Variants in LIN7C observed in about 807,000 individuals in gnomAD.
The protein encoded by LIN7C is lin-7 cell polarity scaffold C, also known as protein lin-7 homolog C.
In LIN7C, 17 loss-of-function variants were observed where a neutral mutation model predicts 24.7. The observed-to-expected ratio is 0.69, with a 90% CI of 0.47 to 1.03. LIN7C has a LOEUF of 1.03. LIN7C is among the 50% of genes least tolerant of loss of function. The pLI, the probability that LIN7C is intolerant of heterozygous loss-of-function variation, is 0.00. For synonymous variants in LIN7C, 90 were observed against 83.4 expected (o/e 1.08, Z -0.43); for missense variants, 204 against 239.0 (o/e 0.85, Z 0.97).
At position 27,498,110 on chromosome 11, in the gene LIN7C, G is replaced by A. The variant is rs908853788; in HGVS notation, c.*539C>T. ...ATTTACCACTGGTTATATATATTATGTGTGTGTTCAAAGTACAAAATGCAG... is the reference window on the plus strand; with the variant it reads ...ATTTACCACTGGTTATATATATTATATGTGTGTTCAAAGTACAAAATGCAG... On this transcript the variant is annotated 3_prime_UTR_variant, in exon 5 of 5. Coordinates refer to ENST00000278193, the MANE Select transcript of LIN7C (RefSeq NM_018362.4). 6.6e-6 allele frequency: 1 copy of A among 152,512 alleles called. No individual in the cohort carries two copies. Among genetic ancestry groups the A allele is most frequent in the Non-Finnish European group, 1.5e-5 (1 of 68,368 alleles). The allele number at this position is 152,512 out of a possible 1,614,324, so 9.4% of individuals were successfully genotyped here. A position where few individuals can be genotyped will look rare whatever the true frequency, so the allele number is the denominator to read the frequency against.
intron 3 of LIN7C, among the ~76,000 whole-genome samples, chr11:27,500,680 T>C (rs1375017772): frequency 1.3e-5 from 2 of 152,212 alleles, no homozygotes; most frequent in African/African-American, 4.8e-5. Context: ...CAAGATTTAC[T>C]GAATACCCGT....
chr11:27,502,883 G>A (rs1233841375), intron 1 of LIN7C, among the ~76,000 whole-genome samples: 2 of 151,946 alleles, frequency 1.3e-5, no homozygotes, highest in Admixed American at 1.3e-4. Flanking sequence ...AGGCCGAGGC[G>A]GGTGGATCAC....
rs1454215641 is a variant in LIN7C, at chr11:27,501,482, CA to C, written c.228+12del. The stretch of plus-strand genomic sequence containing the variant: ...ATGAAGAATTCTTACTTTTGGAAAA[CA>C]AAAAAATTTACCTTTGCAGTAGCGT... On this transcript the variant is annotated intron_variant, in intron 3 of 4. Transcript: ENST00000278193. 9.6e-6 allele frequency: 15 copies of C among 1,563,140 alleles called. No homozygotes were observed. Among genetic ancestry groups the C allele is most frequent in the South Asian group, 2.4e-5 (2 of 84,752 alleles).
chr11:27,502,795 T>C (rs1565114238), intron 1 of LIN7C, among the ~76,000 whole-genome samples: 1 of 152,252 alleles, frequency 6.6e-6, no homozygotes, highest in African/African-American at 2.4e-5. Context: ...AAAAGTGTTA[T>C]GTTACATTGG....
chr11:27,504,236 A>G (rs988675476), intron 1 of LIN7C, among the ~76,000 whole-genome samples: 3 of 152,210 alleles, frequency 2.0e-5, no homozygotes, highest in Non-Finnish European at 2.9e-5. Context: ...TGACCGATAC[A>G]TGGGGACTGT....
intron 3 of LIN7C, among the ~76,000 whole-genome samples, chr11:27,499,957 A>G (rs1369121506): frequency 6.6e-6 from 1 of 152,198 alleles, no homozygotes; most frequent in Non-Finnish European, 1.5e-5. Flanking sequence ...ACTACTTTTG[A>G]GCACGTATTT....
intron 4 of LIN7C, 52 bp downstream of exon 4, chr11:27,499,307 C>A: frequency 1.4e-6 from 2 of 1,475,098 alleles, no homozygotes. Flanking sequence ...TCAAATACGC[C>A]CCCAGGTGGT....
rs1209504767 is a variant in LIN7C at position 27,496,683 on chromosome 11, A to T, written c.*1966T>A. On this transcript the variant is annotated 3_prime_UTR_variant, in exon 5 of 5. Transcript: ENST00000278193. ...GGGAAAAAAATAGCTTACTCAACTT[A>T]CTAAAAGTTTCAACACCAAAAAAGA... 1 of 152,176 alleles carries T rather than the reference A, an allele frequency of 6.6e-6. No individual in the cohort carries two copies. The highest frequency in any genetic ancestry group is 1.5e-5 in the Non-Finnish European group (1 of 68,004). The allele number at this position is 152,176 out of a possible 1,614,324, so 9.4% of individuals were successfully genotyped here. A position where few individuals can be genotyped will look rare whatever the true frequency, so the allele number is the denominator to read the frequency against.
Position 27,506,733 on chromosome 11 carries a change from G to C in LIN7C, c.20C>G (p.Pro7Arg). MAALGE[P>R]VRLERDICRA... is the part of the protein sequence containing the mutation. ...GCACTCACCTCTCTCCAGCCGCACG[G>C]GTTCCCCTAGCGCCGCCATCTTCTC... Residue 7 changes from proline to arginine, a missense_variant, in exon 1 of 5, where the codon CCC becomes CGC. Transcript: ENST00000278193. The C allele has an allele frequency of 3.7e-6, 6 of 1,614,086 alleles. No homozygotes were observed. Among genetic ancestry groups the C allele is most frequent in the Non-Finnish European group, 5.1e-6 (6 of 1,180,028 alleles).
chr11:27,503,608 G>A (rs1218786789), intron 1 of LIN7C, among the ~76,000 whole-genome samples: 4 of 152,128 alleles, frequency 2.6e-5, no homozygotes, highest in Non-Finnish European at 5.9e-5. Context: ...CTGCCTCCCA[G>A]GTTCAAGCAA....
chr11:27,499,321 A>C (rs771963769), intron 4 of LIN7C, 38 bp downstream of exon 4: 1 of 1,578,384 alleles, frequency 6.3e-7, no homozygotes, highest in Admixed American at 1.7e-5. Context: ...AGGTGGTCAC[A>C]ACAGATCACT....
At position 27,498,474 on chromosome 11, in the gene LIN7C, T is replaced by C. The variant is rs1865191242; in HGVS notation, c.*175A>G. The C allele has an allele frequency of 1.7e-6, 1 of 586,064 alleles. No individual in the cohort carries two copies. Among genetic ancestry groups the C allele is most frequent in the Non-Finnish European group, 2.9e-6 (1 of 349,824 alleles). 36.3% of individuals were successfully genotyped at this position (586,064 alleles called of 1,614,324 possible). A position where few individuals can be genotyped will look rare whatever the true frequency, so the allele number is the denominator to read the frequency against. ...TACTTTTTCTTGTCAGAAAAAAGTG[T>C]ATGCATCTCTGGAACCATAAATGAT... is the stretch of plus-strand genomic sequence containing the variant. On this transcript the variant is annotated 3_prime_UTR_variant, in exon 5 of 5. Transcript: ENST00000278193.
intron 1 of LIN7C, among the ~76,000 whole-genome samples, chr11:27,505,318 C>CA (rs888839730): frequency 2.0e-5 from 3 of 152,174 alleles, no homozygotes; most frequent in African/African-American, 7.2e-5. Flanking sequence ...GGCGACAGAG[C>CA]AAGACTACGT....
Position 27,494,885 on chromosome 11 carries a change from G to A in LIN7C, c.*3764C>T, listed in dbSNP as rs1565111891. On this transcript the variant is annotated 3_prime_UTR_variant, in exon 5 of 5. Coordinates refer to ENST00000278193, the MANE Select transcript of LIN7C (RefSeq NM_018362.4). The stretch of plus-strand genomic sequence containing the variant: ...TTGTTGGCAGAGGACACAACAAAAT[G>A]TAAGTTAGAAAATTCATAAACATAC... The A allele has an allele frequency of 6.6e-6, 1 of 152,212 alleles. No individual in the cohort carries two copies. Among genetic ancestry groups the A allele is most frequent in the Non-Finnish European group, 1.5e-5 (1 of 68,016 alleles). The allele number at this position is 152,212 out of a possible 1,614,324, so 9.4% of individuals were successfully genotyped here.
chr11:27,505,843 G>A (rs1211359099), intron 1 of LIN7C, among the ~76,000 whole-genome samples: 2 of 152,064 alleles, frequency 1.3e-5, no homozygotes, highest in African/African-American at 4.8e-5. Context: ...TCTAATGCTG[G>A]TGTATGAAAA....
chr11:27,498,652 G>C lies in LIN7C; in HGVS notation c.591C>G (p.Thr197=), dbSNP rs374296347. ...AAATATCAAGTTTTGAAATGTATTA[G>C]GTCTGTTGCCTGCGTTTTGCTGATC... ...KMRSAKRRQQ[T] The change falls in exon 5 of 5, where the codon ACC becomes ACG. Residue 197 remains threonine (T), a synonymous_variant. Transcript: ENST00000278193. 310 of 1,613,404 alleles carry C rather than the reference G, an allele frequency of 1.9e-4. No individual in the cohort carries two copies. The highest frequency in any genetic ancestry group is 2.6e-4 in the Non-Finnish European group (301 of 1,179,796).
At chr11:27,505,930 G>C (rs1865282600) in intron 1 of LIN7C, among the ~76,000 whole-genome samples, 1 of 152,182 alleles carries the variant, frequency 6.6e-6, no homozygotes, top group Non-Finnish European at 1.5e-5. Context: ...GACTGGAAAC[G>C]CTGGAATGCT....
rs1865181141 is a variant in LIN7C, at chr11:27,497,264, C to CT, written c.*1384dup. 1 of 152,648 alleles carries CT rather than the reference C, an allele frequency of 6.6e-6. No homozygotes were observed. Among genetic ancestry groups the CT allele is most frequent in the South Asian group, 2.1e-4 (1 of 4,822 alleles). The allele number at this position is 152,648 out of a possible 1,614,324, so 9.5% of individuals were successfully genotyped here. A position where few individuals can be genotyped will look rare whatever the true frequency, so the allele number is the denominator to read the frequency against. ...CTGAAGGAATGTTACAAAATGCCCA[C>CT]TTTTTTATATAGGGTCAATATGCCA... is the stretch of plus-strand genomic sequence containing the variant. On this transcript the variant is annotated 3_prime_UTR_variant, in exon 5 of 5. Coordinates refer to ENST00000278193, the MANE Select transcript of LIN7C (RefSeq NM_018362.4).
chr11:27,500,777 T>A (rs1289967861), intron 3 of LIN7C, among the ~76,000 whole-genome samples: 1 of 152,172 alleles, frequency 6.6e-6, no homozygotes, highest in Non-Finnish European at 1.5e-5. Context: ...CTCACACAAC[T>A]CAGCAATTAA....
Sources: gnomAD v4.1 joint callset for allele counts (sites outside exome capture counted in the v4.1 genomes callset) on GRCh38, gnomAD v4.1.1 for gene constraint, MANE v1.5 for transcripts, NCBI Gene and HGNC (gene_info 2026-07-23, HGNC 2026-07-21) for gene names.